Variants in CSF1R observed in about 807,000 individuals in gnomAD.
CSF1R encodes colony stimulating factor 1 receptor.
In CSF1R, 40 loss-of-function variants were observed where a neutral mutation model predicts 110.0. The observed-to-expected ratio is 0.36, with a 90% CI of 0.28 to 0.47. The LOEUF is 0.47. Among genes scored for constraint, CSF1R ranks in the 20% least tolerant of loss-of-function variants. The pLI is 0.99. For missense variants in CSF1R, 1,052 were observed against 1,253.0 expected (o/e 0.84, Z 2.42); for synonymous variants, 523 against 503.4 (o/e 1.04, Z -0.52).
chr5:150,092,147 T>C (rs530687707), intron 1 of CSF1R, among the ~76,000 whole-genome samples: 1 of 152,230 alleles, frequency 6.6e-6, no homozygotes, highest in African/African-American at 2.4e-5. Context: ...AAAGCAGCCA[T>C]AGCCAATACA....
intron 3 of CSF1R, among the ~76,000 whole-genome samples, chr5:150,078,652 C>G (rs1167927326): frequency 6.6e-6 from 1 of 152,220 alleles, no homozygotes; most frequent in African/African-American, 2.4e-5. Flanking sequence ...GAAAAGAAGT[C>G]AAAGTCCTTC....
chr5:150,068,011 G>A (rs1039266263), intron 10 of CSF1R, among the ~76,000 whole-genome samples: 2 of 152,036 alleles, frequency 1.3e-5, no homozygotes, highest in African/African-American at 4.8e-5. Context: ...CCTGTCTCTC[G>A]CACTAGACAG....
At chr5:150,076,506 A>C (rs2113822123) in intron 5 of CSF1R, among the ~76,000 whole-genome samples, 1 of 152,268 alleles carries the variant, frequency 6.6e-6, no homozygotes, top group East Asian at 1.9e-4. Context: ...ACTGCCCTGG[A>C]GTGTGTGCTC....
rs1276626584 is a variant in CSF1R at position 150,053,643 on chromosome 5, CAGAG to C, written c.*422_*425del. On this transcript the variant is annotated 3_prime_UTR_variant, in exon 21 of 21. Coordinates refer to ENST00000675795, the MANE Select transcript of CSF1R (RefSeq NM_001288705.3). ...GTCTGTGAGCATCTGCTGCTCCTCT[CAGAG>C]AGGGAGATCTCACTCTCTGCCAGTC... 2 of 289,882 alleles carry C rather than the reference CAGAG, an allele frequency of 6.9e-6. No individual in the cohort carries two copies. Among genetic ancestry groups the C allele is most frequent in the East Asian group, 5.5e-5 (1 of 18,034 alleles). 18.0% of individuals were successfully genotyped at this position (289,882 alleles called of 1,614,324 possible). A position where few individuals can be genotyped will look rare whatever the true frequency, so the allele number is the denominator to read the frequency against.
At chr5:150,100,788 C>T (rs1759381185) in intron 1 of CSF1R, among the ~76,000 whole-genome samples, 1 of 151,744 alleles carries the variant, frequency 6.6e-6, no homozygotes, top group Admixed American at 6.6e-5. Flanking sequence ...CAGCATTTGT[C>T]ATAATAGCTC....
chr5:150,081,065 G>A, intron 1 of CSF1R, 41 bp from the exon 2 acceptor site: 1 of 1,607,954 alleles, frequency 6.2e-7, no homozygotes, highest in African/African-American at 1.3e-5. Context: ...TGAGGTCTAG[G>A]ATGCGCCCCT....
At chr5:150,072,420 G>A (rs1581310360) in intron 6 of CSF1R, among the ~76,000 whole-genome samples, 1 of 152,106 alleles carries the variant, frequency 6.6e-6, no homozygotes, top group South Asian at 2.1e-4. Flanking sequence ...CTTGAACCCG[G>A]GAGGCCGAGT....
intron 10 of CSF1R, among the ~76,000 whole-genome samples, chr5:150,062,279 C>T (rs1757566966): frequency 6.8e-6 from 1 of 147,312 alleles, no homozygotes; most frequent in South Asian, 2.1e-4. Flanking sequence ...TGTGATAAAA[C>T]ATACATGAAA....
chr5:150,101,782 G>C (rs556340653), intron 1 of CSF1R, among the ~76,000 whole-genome samples: 1 of 150,042 alleles, frequency 6.7e-6, no homozygotes, highest in African/African-American at 2.5e-5. Flanking sequence ...CTCTCTCCCC[G>C]CCTCAACTGC....
At chr5:150,056,378 C>T in intron 16 of CSF1R, 37 bp from the exon 17 acceptor site, 1 of 1,612,100 alleles carries the variant, frequency 6.2e-7, no homozygotes, top group Non-Finnish European at 8.5e-7. Flanking sequence ...CTTGGGCCTT[C>T]TCCTACCTGA....
intron 9 of CSF1R, among the ~76,000 whole-genome samples, chr5:150,068,695 G>A (rs1210478982): frequency 6.6e-6 from 1 of 152,178 alleles, no homozygotes; most frequent in Admixed American, 6.5e-5. Context: ...CCTCCAGGAA[G>A]CTCGTTCAGA....
rs1759161992 is a variant in CSF1R, at chr5:150,094,749, G to A, written c.-180-8142C>T. The A allele has an allele frequency of 3.1e-6, 5 of 1,602,306 alleles. No individual in the cohort carries two copies. The African/African-American group carries it at 4.0e-5, about 13-fold the overall frequency. On this transcript the variant is annotated intron_variant, in intron 1 of 21. Coordinates refer to the CSF1R transcript ENST00000286301. ...ATGGGGGTACCCCAATCTGAAGTCA[G>A]TAAATGAACTAATCTACAAGCGTGG...
At chr5:150,069,535 T>A (rs921218716) in intron 9 of CSF1R, among the ~76,000 whole-genome samples, 8 of 152,144 alleles carry the variant, frequency 5.3e-5, no homozygotes, top group African/African-American at 1.7e-4. Flanking sequence ...ACTGCTTCCC[T>A]GCATAGGGCA....
intron 5 of CSF1R, among the ~76,000 whole-genome samples, chr5:150,074,600 CCT>C (rs1758179562): frequency 2.0e-5 from 3 of 152,132 alleles, no homozygotes; most frequent in African/African-American, 4.8e-5. Context: ...CATGGTAGCC[CCT>C]GACATGCCTT....
intron 8 of CSF1R, 34 bp from the exon 9 acceptor site, chr5:150,070,097 G>C: frequency 6.2e-7 from 1 of 1,609,902 alleles, no homozygotes; most frequent in Non-Finnish European, 8.5e-7. Context: ...AGAGCTTCAG[G>C]GTTCCCAGCG....
At chr5:150,090,475 C>T (rs772190350), upstream of CSF1R, among the ~76,000 whole-genome samples, 1 of 152,176 alleles carries the variant, frequency 6.6e-6, no homozygotes, top group Admixed American at 6.5e-5. Flanking sequence ...CAAACAACCA[C>T]GGATCTGTTC....
chr5:150,087,101 G>A (rs537886755), upstream of CSF1R, among the ~76,000 whole-genome samples: 4 of 152,164 alleles, frequency 2.6e-5, no homozygotes, highest in Non-Finnish European at 5.9e-5. Flanking sequence ...GAGATCTGAC[G>A]TTATCTCTAG....
intron 1 of CSF1R, among the ~76,000 whole-genome samples, chr5:150,100,313 T>C (rs1759367782): frequency 7.0e-6 from 1 of 143,570 alleles, no homozygotes; most frequent in Admixed American, 7.0e-5. Context: ...TTTTTTTTTT[T>C]CTGAGACGGA....
chr5:150,085,400 G>C (rs1561947907), intron 1 of CSF1R, among the ~76,000 whole-genome samples: 1 of 151,618 alleles, frequency 6.6e-6, no homozygotes, highest in Non-Finnish European at 1.5e-5. Flanking sequence ...GGGTCCTTCT[G>C]TGAAGAGGCC....
Sources: allele counts gnomAD v4.1 joint callset (sites outside exome capture counted in the v4.1 genomes callset), GRCh38; gene constraint gnomAD v4.1.1; transcripts MANE v1.5; gene names NCBI Gene and HGNC (gene_info 2026-07-23, HGNC 2026-07-21).